The following NUP62 variants were observed in gnomAD, a reference collection of about 807,000 sequenced individuals.
The protein encoded by NUP62 is nuclear pore glycoprotein p62.
For synonymous variants in NUP62, 305 were observed against 303.4 expected, an observed-to-expected ratio of 1.01 and a Z score of -0.05; for missense variants, 647 against 689.4, an observed-to-expected ratio of 0.94 and a Z score of 0.69.
rs1184234946 is a variant in NUP62, at chr19:49,921,584, G to A, written c.-78+6110C>T. Among the ~76,000 whole-genome samples the A allele has an allele frequency of 2.6e-5, 4 of 152,226 alleles. No homozygotes were observed. The highest frequency in any genetic ancestry group is 2.6e-4 in the Admixed American group (4 of 15,290). On this transcript the variant is annotated intron_variant, in intron 2 of 2. Coordinates refer to ENST00000352066, the MANE Select transcript of NUP62 (RefSeq NM_016553.5). This position sits in a 1 kb window ranked among gnomAD's most constrained non-coding sequence, Gnocchi z 5.4. The stretch of plus-strand genomic sequence containing the variant: ...ACGTTCCTGCTCTGTGGTAGGTCAG[G>A]AAGAAGAGGGCAAAGGAGTCTGCAT...
intron 2 of NUP62, among the ~76,000 whole-genome samples, chr19:49,917,186 G>C (rs1204588845): frequency 6.6e-6 from 1 of 152,232 alleles, no homozygotes; most frequent in African/African-American, 2.4e-5. Context: ...GGGGAGATCA[G>C]AGATGGGCTG....
At chr19:49,919,207 G>A (rs1203862891) in intron 2 of NUP62, among the ~76,000 whole-genome samples, 6 of 152,176 alleles carry the variant, frequency 3.9e-5, no homozygotes, top group African/African-American at 1.4e-4. Flanking sequence ...CATTGTTGTA[G>A]CTCAAAAGGT....
Position 49,908,751 on chromosome 19 carries a change from G to T in NUP62, c.1057C>A (p.Gln353Lys). ...CAGGCGTTGACCTGGGTGGCCTGCT[G>T]GAGGAAGTGCCGCTCCTGGTCCTCT... Reference protein sequence around the residue: ...ELEDQERHFLQQATQVNAWDR... With the variant: ...ELEDQERHFLKQATQVNAWDR... Residue 353 changes from glutamine to lysine, a missense_variant, in exon 3 of 3, where the codon CAG becomes AAG. Physicochemically the swap from Gln to Lys is moderately conservative, Grantham distance 53. Transcript: ENST00000352066. The T allele has an allele frequency of 6.2e-7, 1 of 1,613,650 alleles. No individual in the cohort carries two copies.
At chr19:49,925,751 C>T (rs1281212313) in intron 2 of NUP62, among the ~76,000 whole-genome samples, 1 of 152,104 alleles carries the variant, frequency 6.6e-6, no homozygotes, top group African/African-American at 2.4e-5. Flanking sequence ...GGCATTTGGT[C>T]AATGGTAACA....
rs774383419 is a variant in NUP62 at position 49,909,270 on chromosome 19, C to A, written c.538G>T (p.Ala180Ser). Residue 180 changes from alanine to serine, a missense_variant, in exon 3 of 3, where the codon GCC becomes TCC. Coordinates refer to ENST00000352066, the MANE Select transcript of NUP62 (RefSeq NM_016553.5). The stretch of plus-strand genomic sequence containing the variant: ...AACGTGGCAGGTGCCGTGGGCTGGG[C>A]TGAATTCCCTGCTGAGCCAATGTTG... ...GFNIGSAGNS[A>S]QPTAPATLPF... 13 of 1,614,038 alleles carry A rather than the reference C, an allele frequency of 8.1e-6. No individual in the cohort carries two copies. Among genetic ancestry groups the A allele is most frequent in the South Asian group, 1.1e-5 (1 of 91,078 alleles).
chr19:49,927,188 C>T lies in NUP62; in HGVS notation c.-78+506G>A, dbSNP rs79431416. Among the ~76,000 whole-genome samples the T allele has an allele frequency of 6.4e-3, 980 of 152,082 alleles. 4 individuals carry two copies. The highest frequency in any genetic ancestry group is 0.01 in the Non-Finnish European group (696 of 67,970). On this transcript the variant is annotated intron_variant, in intron 2 of 2. Coordinates refer to ENST00000352066, the MANE Select transcript of NUP62 (RefSeq NM_016553.5). The stretch of plus-strand genomic sequence containing the variant: ...GAGGTAGGTATTCTTAATGCCACTT[C>T]GTACCACAGGGGAAACTGAGGCACA...
At chr19:49,920,074 C>A (rs1400713655) in intron 2 of NUP62, among the ~76,000 whole-genome samples, 1 of 152,118 alleles carries the variant, frequency 6.6e-6, no homozygotes, top group Non-Finnish European at 1.5e-5. Flanking sequence ...CACATGTGTG[C>A]CACCACACCA....
intron 2 of NUP62, among the ~76,000 whole-genome samples, chr19:49,912,329 C>T (rs749652096): frequency 4.6e-5 from 7 of 152,074 alleles, no homozygotes; most frequent in South Asian, 2.1e-4. Context: ...CCACCACGCC[C>T]GGCTAATTTT....
Position 49,907,468 on chromosome 19 carries a change from G to A in NUP62, c.*771C>T. 2 of 438,046 alleles carry A rather than the reference G, an allele frequency of 4.6e-6. No individual in the cohort carries two copies. Among genetic ancestry groups the A allele is most frequent in the South Asian group, 1.6e-5 (1 of 61,026 alleles). 27.1% of individuals were successfully genotyped at this position (438,046 alleles called of 1,614,324 possible). A position where few individuals can be genotyped will look rare whatever the true frequency, so the allele number is the denominator to read the frequency against. On this transcript the variant is annotated 3_prime_UTR_variant, in exon 3 of 3. Transcript: ENST00000352066. ...CACACTGTGCTGCTTTGCCTTGGTG[G>A]TTAGCATGGTTAGCTTTCACAAGCA... is the stretch of plus-strand genomic sequence containing the variant.
intron 2 of NUP62, among the ~76,000 whole-genome samples, chr19:49,913,922 G>A (rs1377369550): frequency 6.6e-6 from 1 of 152,188 alleles, no homozygotes; most frequent in Non-Finnish European, 1.5e-5. Flanking sequence ...GAGGCTGGAG[G>A]CCAGGTGGCT....
chr19:49,926,406 T>A (rs1478462879), intron 2 of NUP62, among the ~76,000 whole-genome samples: 1 of 151,930 alleles, frequency 6.6e-6, no homozygotes, highest in Non-Finnish European at 1.5e-5. Flanking sequence ...GGTGGGCGCC[T>A]GTAATCCCAG....
intron 2 of NUP62, among the ~76,000 whole-genome samples, chr19:49,913,666 C>A (rs536508057): frequency 6.6e-6 from 1 of 152,360 alleles, no homozygotes; most frequent in Non-Finnish European, 1.5e-5. Context: ...CATCTCTCCC[C>A]TTTGCTGTTT....
intron 2 of NUP62, among the ~76,000 whole-genome samples, chr19:49,912,624 G>C (rs1398484339): frequency 1.3e-5 from 2 of 152,176 alleles, no homozygotes; most frequent in Non-Finnish European, 2.9e-5. Flanking sequence ...AGCACTTTGG[G>C]AGGCTGAGGT....
intron 2 of NUP62, among the ~76,000 whole-genome samples, chr19:49,924,738 G>C (rs1152233): frequency 0.24 from 36,511 of 152,094 alleles, 4,555 homozygotes; most frequent in African/African-American, 0.29. Flanking sequence ...CTATGAACTA[G>C]AACAGGCTGG....
At chr19:49,918,170 G>T (rs1455483128) in intron 2 of NUP62, among the ~76,000 whole-genome samples, 1 of 151,612 alleles carries the variant, frequency 6.6e-6, no homozygotes, top group African/African-American at 2.4e-5. Flanking sequence ...GGGCTCAAAT[G>T]ATTCTCCTGC....
intron 2 of NUP62, among the ~76,000 whole-genome samples, chr19:49,926,253 G>T (rs1031782431): frequency 6.6e-6 from 1 of 150,566 alleles, no homozygotes; most frequent in African/African-American, 2.5e-5. Flanking sequence ...TTAAGACTGG[G>T]TGTGGTGGCT....
At chr19:49,914,726 G>GTTTTTTTTTTTTTTTTTTTTT (rs530372497) in intron 2 of NUP62, among the ~76,000 whole-genome samples, 3 of 56,404 alleles carry the variant, frequency 5.3e-5, no homozygotes, top group Non-Finnish European at 3.2e-5. Context: ...CCAAGTCCCA[G>GTTTTTTTTTTTTTTTTTTTTT]TTTTTTTTTT....
At position 49,909,607 on chromosome 19, in the gene NUP62, C is replaced by T. The variant is rs773508524; in HGVS notation, c.201G>A (p.Pro67=). The change falls in exon 3 of 3, where the codon CCG becomes CCA. Residue 67 remains proline (P), a synonymous_variant. Transcript: ENST00000352066. ...TGLFSLATQT[P]ATQTTGFTFG... ...AAGTGAAGCCTGTCGTCTGTGTGGC[C>T]GGAGTCTGGGTGGCAAGTGAGAACA... 2.4e-5 allele frequency: 39 copies of T among 1,613,246 alleles called. No homozygotes were observed. The Middle Eastern group carries it at 8.2e-4, about 34-fold the overall frequency.
In NUP62 at chr19:49,907,657, C is replaced by G; in HGVS notation, c.*582G>C. On this transcript the variant is annotated 3_prime_UTR_variant, in exon 3 of 3. Coordinates refer to ENST00000352066, the MANE Select transcript of NUP62 (RefSeq NM_016553.5). ...AAGTGATTCTCCTGCCTCAGCCTCC[C>G]GAGTAGCTGAGATTGAGATCACAGG... 1 of 372,052 alleles carries G rather than the reference C, an allele frequency of 2.7e-6. No homozygotes were observed. Among genetic ancestry groups the G allele is most frequent in the Non-Finnish European group, 5.1e-6 (1 of 195,404 alleles). 23.0% of individuals were successfully genotyped at this position (372,052 alleles called of 1,614,324 possible). A position where few individuals can be genotyped will look rare whatever the true frequency, so the allele number is the denominator to read the frequency against.
Sources: allele counts gnomAD v4.1 joint callset (sites outside exome capture counted in the v4.1 genomes callset), GRCh38; gene constraint gnomAD v4.1.1; non-coding constraint Gnocchi (gnomAD v3.1); transcripts MANE v1.5; gene names NCBI Gene and HGNC (gene_info 2026-07-23, HGNC 2026-07-21).